KIAA1671: variants seen among roughly 807,000 people sequenced by gnomAD.
KIAA1671 encodes KIAA1671.
KIAA1671 carries 52 observed loss-of-function variants against 131.2 expected under a neutral mutation model. That is an observed-to-expected ratio of 0.40 (90% CI 0.32 to 0.50). The LOEUF (loss-of-function observed/expected upper bound fraction) is 0.50. Among genes scored for constraint, KIAA1671 ranks in the 20% least tolerant of loss-of-function variants. The probability of loss-of-function intolerance (pLI) is 0.73; values close to 1 mark genes in which losing one functional copy is unlikely to be tolerated. For synonymous variants in KIAA1671, 1,003 were observed against 961.6 expected, an observed-to-expected ratio of 1.04 and a Z score of -0.80; for missense variants, 2,360 against 2,364.2, an observed-to-expected ratio of 1.00 and a Z score of 0.04.
At chr22:25,042,089 C>A (rs959006414) in intron 5 of KIAA1671, among the ~76,000 whole-genome samples, 3 of 152,142 alleles carry the variant, frequency 2.0e-5, no homozygotes, top group Non-Finnish European at 4.4e-5. Context: ...AGATGGCAAA[C>A]CTCATTTATC....
chr22:25,097,744 A>AG, intron 6 of KIAA1671, among the ~76,000 whole-genome samples: 1 of 151,872 alleles, frequency 6.6e-6, no homozygotes, highest in Non-Finnish European at 1.5e-5. Flanking sequence ...CATAAAAAAA[A>AG]AAAAATCGTA....
At chr22:25,092,061 G>A (rs910832389) in intron 6 of KIAA1671, among the ~76,000 whole-genome samples, 5 of 152,150 alleles carry the variant, frequency 3.3e-5, no homozygotes, top group Admixed American at 6.6e-5. Context: ...CGCTGTTATA[G>A]TCACCAAGCA....
intron 6 of KIAA1671, among the ~76,000 whole-genome samples, chr22:25,128,370 C>T (rs114769600): frequency 0.014 from 2,103 of 152,306 alleles, 59 homozygotes; most frequent in African/African-American, 0.048. Flanking sequence ...GGATGCCAAG[C>T]TCCTAGCTGG....
chr22:25,021,302 TC>T (rs56904474), intron 1 of KIAA1671, among the ~76,000 whole-genome samples: 22,985 of 151,796 alleles, frequency 0.15, 2,111 homozygotes, highest in South Asian at 0.23. Flanking sequence ...CAAGTGATCC[TC>T]CCACCTCCGC....
intron 1 of KIAA1671, among the ~76,000 whole-genome samples, chr22:24,958,999 GAAAA>G (rs1921873015): frequency 7.4e-6 from 1 of 135,918 alleles, no homozygotes; most frequent in African/African-American, 2.8e-5. Context: ...AAAAAAAAAA[GAAAA>G]GAAAAGAAAA....
chr22:25,088,313 G>T (rs964187778), intron 6 of KIAA1671, among the ~76,000 whole-genome samples: 2 of 152,094 alleles, frequency 1.3e-5, no homozygotes, highest in Non-Finnish European at 2.9e-5. Context: ...CACCATGTTG[G>T]CCAGGCTGGT....
chr22:25,110,330 A>G (rs1039144063), intron 6 of KIAA1671, among the ~76,000 whole-genome samples: 16 of 152,164 alleles, frequency 1.1e-4, no homozygotes, highest in African/African-American at 3.4e-4. Flanking sequence ...AGGACATAGG[A>G]TGCATTCTGA....
At chr22:25,099,537 G>T (rs1320038957) in intron 6 of KIAA1671, among the ~76,000 whole-genome samples, 1 of 112,110 alleles carries the variant, frequency 8.9e-6, no homozygotes, top group Non-Finnish European at 1.7e-5. Context: ...CAAAATGTGG[G>T]TTTTTTTGTT....
chr22:24,969,647 G>A (rs1922494463), intron 1 of KIAA1671, among the ~76,000 whole-genome samples: 1 of 152,202 alleles, frequency 6.6e-6, no homozygotes, highest in Admixed American at 6.5e-5. Context: ...ATTCTGGGCT[G>A]TGATTTAGAC....
intron 6 of KIAA1671, among the ~76,000 whole-genome samples, chr22:25,079,269 G>A (rs903730006): frequency 6.0e-5 from 9 of 150,782 alleles, no homozygotes; most frequent in African/African-American, 2.0e-4. Context: ...TCGCTCTGTC[G>A]CCCAGGCTGG....
chr22:25,070,534 T>A (rs1928768320), intron 6 of KIAA1671: 1 of 405,066 alleles, frequency 2.5e-6, no homozygotes, highest in African/African-American at 2.1e-5. Context: ...CTGTTTTCTT[T>A]AAGAAATGGT....
At chr22:25,030,776 G>A (rs1926242996) in intron 3 of KIAA1671, among the ~76,000 whole-genome samples, 1 of 152,184 alleles carries the variant, frequency 6.6e-6, no homozygotes, top group East Asian at 1.9e-4. Flanking sequence ...GATGCCACTC[G>A]GCATGATCGA....
In KIAA1671 at chr22:25,055,799, G is replaced by GATATAGATATAGATATAGAT. The variant is rs1331806807; in HGVS notation, c.4530+6438_4530+6439insTAGATATAGATATAGATATA. On this transcript the variant is annotated intron_variant, in intron 6 of 12. Coordinates refer to ENST00000358431, the MANE Select transcript of KIAA1671 (RefSeq NM_001145206.2). Reference sequence around the variant, plus strand: ...ACAAACATATATATAGATAGATATAGATAGATATAGATATAGATATAGATA... The same window carrying GATATAGATATAGATATAGAT: ...ACAAACATATATATAGATAGATATAGATATAGATATAGATATAGATATAGATATAGATATAGATATAGATA... 9.4e-5 allele frequency: 12 copies of GATATAGATATAGATATAGAT among 128,326 alleles called. 1 individual carries two copies. Among genetic ancestry groups the GATATAGATATAGATATAGAT allele is most frequent in the Admixed American group, 7.6e-4 (10 of 13,150 alleles). The allele number at this position is 128,326 out of a possible 1,614,324, so 7.9% of individuals were successfully genotyped here. A position where few individuals can be genotyped will look rare whatever the true frequency, so the allele number is the denominator to read the frequency against.
At chr22:25,008,839 T>A (rs1176066983) in intron 1 of KIAA1671, among the ~76,000 whole-genome samples, 1 of 152,236 alleles carries the variant, frequency 6.6e-6, no homozygotes, top group African/African-American at 2.4e-5. Context: ...TTTTTGTGGT[T>A]AGGCCAAGTG....
chr22:25,131,208 T>A (rs570044525), intron 6 of KIAA1671, among the ~76,000 whole-genome samples: 1 of 152,270 alleles, frequency 6.6e-6, no homozygotes, highest in Admixed American at 6.5e-5. Context: ...CTGGGTGTTT[T>A]CCAGCCCTGG....
intron 6 of KIAA1671, among the ~76,000 whole-genome samples, chr22:25,067,212 A>C (rs1458403603): frequency 6.6e-6 from 1 of 151,452 alleles, no homozygotes; most frequent in African/African-American, 2.4e-5. Context: ...TCCCCTCCCC[A>C]CACCCCCCAC....
chr22:25,017,003 A>G (rs1452146777), intron 1 of KIAA1671, among the ~76,000 whole-genome samples: 1 of 152,180 alleles, frequency 6.6e-6, no homozygotes, highest in Non-Finnish European at 1.5e-5. Flanking sequence ...CCCACTTTTA[A>G]TTATATGCAA....
chr22:25,113,275 A>G (rs1384848133), intron 6 of KIAA1671, among the ~76,000 whole-genome samples: 2 of 152,122 alleles, frequency 1.3e-5, no homozygotes, highest in Non-Finnish European at 2.9e-5. Context: ...TTTGCAGTCC[A>G]GCTCCCAGCA....
At chr22:25,124,648 G>A (rs1932096406) in intron 6 of KIAA1671, among the ~76,000 whole-genome samples, 1 of 152,200 alleles carries the variant, frequency 6.6e-6, no homozygotes, top group Non-Finnish European at 1.5e-5. Context: ...CCTCGGAAGT[G>A]CATAATAAAT....
Sources: gnomAD v4.1 joint callset for allele counts (sites outside exome capture counted in the v4.1 genomes callset) on GRCh38, gnomAD v4.1.1 for gene constraint, MANE v1.5 for transcripts, NCBI Gene and HGNC (gene_info 2026-07-23, HGNC 2026-07-21) for gene names.